Variants in CFAP100 observed in about 807,000 individuals in gnomAD.
CFAP100 encodes cilia- and flagella-associated protein 100.
A neutral mutation model predicts 81.5 loss-of-function variants in CFAP100; 70 were observed. The observed-to-expected ratio is 0.86, with a 90% confidence interval of 0.71 to 1.05. The LOEUF (loss-of-function observed/expected upper bound fraction) is 1.05, where lower values mean the gene tolerates loss of function less well. Ranked by LOEUF, CFAP100 falls within the 50% of genes least tolerant of loss-of-function variation. CFAP100 has a pLI of 0.00. For synonymous variants in CFAP100, 341 were observed against 314.8 expected (o/e 1.08, Z -0.88); for missense variants, 811 against 776.5 (o/e 1.04, Z -0.53).
intron 13 of CFAP100, among the ~76,000 whole-genome samples, 191 bp downstream of exon 13, chr3:126,423,835 G>A (rs1474783737): frequency 6.6e-6 from 1 of 152,234 alleles, no homozygotes; most frequent in Non-Finnish European, 1.5e-5. Context: ...TGGAGCTGGG[G>A]GTGGGCAGGG....
intron 16 of CFAP100, 46 bp downstream of exon 16, chr3:126,435,698 G>C (rs142161475): frequency 2.0e-6 from 3 of 1,497,438 alleles, no homozygotes; most frequent in East Asian, 4.6e-5. Flanking sequence ...GGGGTCCCAA[G>C]ACAGCATGGC....
At chr3:126,404,823 C>G (rs1186913085) in intron 2 of CFAP100, among the ~76,000 whole-genome samples, 1 of 152,144 alleles carries the variant, frequency 6.6e-6, no homozygotes, top group Non-Finnish European at 1.5e-5. Flanking sequence ...TACAGGTGCA[C>G]ACCACCACGC....
rs761312379 is a variant in CFAP100, at chr3:126,418,538, G to A, written c.486+13G>A. On this transcript the variant is annotated intron_variant, in intron 6 of 16. Coordinates refer to ENST00000352312, the MANE Select transcript of CFAP100 (RefSeq NM_182628.3). ...GTTCCTCCTCCAGGTAGGTCCCGTG[G>A]CCCCCAGAGCGATGGATGCCAGCAG... 1 of 1,614,000 alleles carries A rather than the reference G, an allele frequency of 6.2e-7. No individual in the cohort carries two copies. Among genetic ancestry groups the A allele is most frequent in the Non-Finnish European group, 8.5e-7 (1 of 1,179,998 alleles).
At chr3:126,401,399 A>T (rs12634164) in intron 2 of CFAP100, among the ~76,000 whole-genome samples, 1,803 of 10,860 alleles carry the variant, frequency 0.17, 11 homozygotes, top group Middle Eastern at 0.43. Context: ...ATCGTATTTT[A>T]TATATATATA....
intron 7 of CFAP100, 41 bp from the exon 8 acceptor site, chr3:126,419,035 C>T: frequency 1.0e-6 from 1 of 987,912 alleles, no homozygotes; most frequent in South Asian, 1.5e-5. Flanking sequence ...TGCCACTGGC[C>T]CCTTGCCCCC....
At chr3:126,421,831 G>A (rs868332546) in intron 11 of CFAP100, among the ~76,000 whole-genome samples, 11 of 152,234 alleles carry the variant, frequency 7.2e-5, no homozygotes, top group Admixed American at 4.6e-4. Flanking sequence ...ATGCTGCTGC[G>A]CCACGCACAG....
intron 3 of CFAP100, among the ~76,000 whole-genome samples, chr3:126,407,798 G>T (rs971742772): frequency 1.7e-4 from 26 of 152,224 alleles, no homozygotes; most frequent in African/African-American, 6.0e-4. Context: ...GCACACTGCT[G>T]CCACCGTTAG....
At chr3:126,400,410 C>A (rs1238497138) in intron 2 of CFAP100, among the ~76,000 whole-genome samples, 1 of 152,048 alleles carries the variant, frequency 6.6e-6, no homozygotes, top group Non-Finnish European at 1.5e-5. Flanking sequence ...GAAAATGAAA[C>A]CCTTTTACAT....
At chr3:126,401,810 C>T (rs1215149794) in intron 2 of CFAP100, among the ~76,000 whole-genome samples, 1 of 152,114 alleles carries the variant, frequency 6.6e-6, no homozygotes, top group South Asian at 2.1e-4. Context: ...AACCCTGGTC[C>T]TTCTGTGGCT....
chr3:126,420,273 G>A lies in CFAP100; in HGVS notation c.1082+44G>A, dbSNP rs760532731. 8.1e-6 allele frequency: 13 copies of A among 1,606,090 alleles called. No homozygotes were observed. The East Asian group carries it at 1.8e-4, about 22-fold the overall frequency. On this transcript the variant is annotated intron_variant, in intron 11 of 16. Coordinates refer to ENST00000352312, the MANE Select transcript of CFAP100 (RefSeq NM_182628.3). ...TTGGGAGGGGCTGAGGCCTAGCGGC[G>A]AGCCCTCCCTTGTGGCACCCATGTG...
chr3:126,399,742 G>A (rs553278844), intron 2 of CFAP100, among the ~76,000 whole-genome samples: 1 of 152,342 alleles, frequency 6.6e-6, no homozygotes, highest in Admixed American at 6.5e-5. Context: ...CTGGAGTTTA[G>A]TGAAATGCTT....
Position 126,395,930 on chromosome 3 carries a change from G to GTCAC in CFAP100, c.-59-9_-59-6dup. 1 of 1,350,044 alleles carries GTCAC rather than the reference G, an allele frequency of 7.4e-7. No homozygotes were observed. Among genetic ancestry groups the GTCAC allele is most frequent in the Non-Finnish European group, 1.1e-6 (1 of 942,696 alleles). 83.6% of individuals were successfully genotyped at this position (1,350,044 alleles called of 1,614,324 possible). A position where few individuals can be genotyped will look rare whatever the true frequency, so the allele number is the denominator to read the frequency against. On this transcript the variant is annotated splice_polypyrimidine_tract_variant and intron_variant, in intron 1 of 16. Coordinates refer to ENST00000352312, the MANE Select transcript of CFAP100 (RefSeq NM_182628.3). ...GGGGACCACCAGGCTCAAGCACTGT[G>GTCAC]TCACTCCTCAGGTGAGGATCTCCTT...
intron 7 of CFAP100, 125 bp from the exon 8 acceptor site, chr3:126,418,951 G>A: frequency 5.0e-6 from 5 of 990,730 alleles, no homozygotes; most frequent in Non-Finnish European, 7.4e-6. Flanking sequence ...TAACTGTGTG[G>A]CTCTCCAGCC....
chr3:126,434,899 A>G (rs1933381607), intron 15 of CFAP100, among the ~76,000 whole-genome samples: 1 of 152,170 alleles, frequency 6.6e-6, no homozygotes, highest in Non-Finnish European at 1.5e-5. Flanking sequence ...TGGGAGTTTC[A>G]GCTCAGAGGG....
Position 126,436,401 on chromosome 3 carries a change from T to A in CFAP100, c.1833T>A (p.Thr611=), listed in dbSNP as rs746729513. The A allele has an allele frequency of 6.2e-7, 1 of 1,611,376 alleles. No homozygotes were observed. Among genetic ancestry groups the A allele is most frequent in the Non-Finnish European group, 8.5e-7 (1 of 1,177,756 alleles). The change falls in exon 17 of 17, where the codon ACT becomes ACA. Residue 611 remains threonine, a synonymous_variant. Coordinates refer to ENST00000352312, the MANE Select transcript of CFAP100 (RefSeq NM_182628.3). The part of the protein sequence containing the change: ...KEEEELLFFF[T] ...AGGAGGAGCTGCTATTTTTCTTTAC[T>A]TAATCTTCGCAGACCATAGCTGTTC...
chr3:126,396,703 T>G (rs2082893929), intron 2 of CFAP100: 1 of 152,260 alleles, frequency 6.6e-6, no homozygotes, highest in African/African-American at 2.4e-5. Context: ...AGCACCCCTC[T>G]GACCACAAAT....
At chr3:126,423,799 T>C (rs191226297) in intron 13 of CFAP100, among the ~76,000 whole-genome samples, 155 bp downstream of exon 13, 9 of 152,334 alleles carry the variant, frequency 5.9e-5, no homozygotes, top group Non-Finnish European at 5.9e-5. Context: ...GCTCCGTTTG[T>C]GGGCCGGATC....
intron 13 of CFAP100, among the ~76,000 whole-genome samples, chr3:126,428,443 T>C (rs1933049099): frequency 6.6e-6 from 1 of 152,180 alleles, no homozygotes; most frequent in South Asian, 2.1e-4. Context: ...TGGATACATA[T>C]CATTATATAA....
At chr3:126,406,306 T>C (rs2083062782) in intron 2 of CFAP100, among the ~76,000 whole-genome samples, 1 of 152,120 alleles carries the variant, frequency 6.6e-6, no homozygotes. Flanking sequence ...GGCCTTGGTA[T>C]CATAGCCCCA....
Sources: allele counts gnomAD v4.1 joint callset (sites outside exome capture counted in the v4.1 genomes callset), GRCh38; gene constraint gnomAD v4.1.1; transcripts MANE v1.5; gene names NCBI Gene and HGNC (gene_info 2026-07-23, HGNC 2026-07-21).